The following EIPR1 variants were observed in gnomAD, a reference collection of about 807,000 sequenced individuals.
EIPR1 encodes the protein EARP and GARP complex-interacting protein 1.
A neutral mutation model predicts 48.1 loss-of-function variants in EIPR1; 25 were observed. The ratio of observed to expected loss-of-function variants is 0.52; its 90% CI spans 0.38 to 0.73. The LOEUF (loss-of-function observed/expected upper bound fraction) is 0.73. Among genes scored for constraint, EIPR1 ranks in the 30% least tolerant of loss-of-function variants. The probability of loss-of-function intolerance (pLI) is 0.00; values close to 1 mark genes in which losing one functional copy is unlikely to be tolerated. For missense variants in EIPR1, 415 were observed against 506.2 expected, an observed-to-expected ratio of 0.82 and a Z score of 1.73; for synonymous variants, 204 against 201.9, an observed-to-expected ratio of 1.01 and a Z score of -0.09.
chr2:3,335,634 C>T (rs2324583), intron 3 of EIPR1, among the ~76,000 whole-genome samples: 2 of 152,154 alleles, frequency 1.3e-5, no homozygotes, highest in African/African-American at 4.8e-5. Context: ...AATCTCATCT[C>T]GAATTGTAAT....
chr2:3,210,086 G>C (rs968996689), intron 5 of EIPR1, among the ~76,000 whole-genome samples: 1 of 152,078 alleles, frequency 6.6e-6, no homozygotes, highest in Admixed American at 6.5e-5. Flanking sequence ...TCCCACGCCA[G>C]CAGGGGATAT....
At chr2:3,275,866 T>C (rs1320847234) in intron 3 of EIPR1, among the ~76,000 whole-genome samples, 1 of 152,192 alleles carries the variant, frequency 6.6e-6, no homozygotes, top group Non-Finnish European at 1.5e-5. Flanking sequence ...AGAAGATTAT[T>C]ATAGAGGTTA....
chr2:3,337,887 G>A, intron 3 of EIPR1, 130 bp downstream of exon 3: 1 of 950,376 alleles, frequency 1.1e-6, no homozygotes, highest in South Asian at 1.7e-5. Context: ...GCTTCTCTGT[G>A]CATGCAACAC....
chr2:3,376,391 C>T (rs1043694655), intron 1 of EIPR1, among the ~76,000 whole-genome samples: 1 of 151,470 alleles, frequency 6.6e-6, no homozygotes, highest in African/African-American at 2.4e-5. Flanking sequence ...CTGACTGTAA[C>T]CTACTTAAAA....
chr2:3,257,242 C>G, intron 4 of EIPR1, 57 bp downstream of exon 4: 1 of 1,567,376 alleles, frequency 6.4e-7, no homozygotes, highest in Non-Finnish European at 8.7e-7. Flanking sequence ...GCACAAGCTC[C>G]TGCACCTGGC....
chr2:3,208,966 A>C lies in EIPR1; in HGVS notation c.516+5183T>G, dbSNP rs1205223676. ...TGTTCAGATTCTTCCCTCTAATAGG[A>C]CAAGGGAAGAGCTCTCATATTATCA... On this transcript the variant is annotated intron_variant, in intron 5 of 8. Transcript: ENST00000382125. The C allele has an allele frequency of 5.4e-6, 8 of 1,483,514 alleles. No individual in the cohort carries two copies. The East Asian group carries it at 1.7e-4, about 32-fold the overall frequency. 91.9% of individuals were successfully genotyped at this position (1,483,514 alleles called of 1,614,324 possible).
At chr2:3,250,877 T>C (rs1186273118) in intron 4 of EIPR1, among the ~76,000 whole-genome samples, 1 of 152,076 alleles carries the variant, frequency 6.6e-6, no homozygotes, top group African/African-American at 2.4e-5. Flanking sequence ...TCCTAAAGCC[T>C]CACCAAGAGC....
chr2:3,302,128 A>G (rs923009642), intron 3 of EIPR1, among the ~76,000 whole-genome samples: 5 of 152,176 alleles, frequency 3.3e-5, no homozygotes, highest in Non-Finnish European at 7.3e-5. Context: ...TCCCTCAGCG[A>G]CTTGGGGTTC....
chr2:3,349,644 G>A (rs1256492892), intron 2 of EIPR1, among the ~76,000 whole-genome samples: 1 of 151,708 alleles, frequency 6.6e-6, no homozygotes, highest in Non-Finnish European at 1.5e-5. Flanking sequence ...AGCATGCTGG[G>A]AGACAGGGAC....
chr2:3,278,250 T>C (rs894647274), intron 3 of EIPR1, among the ~76,000 whole-genome samples: 1 of 152,168 alleles, frequency 6.6e-6, no homozygotes, highest in African/African-American at 2.4e-5. Flanking sequence ...CATCCCTGCA[T>C]CCTGCCCCAT....
At chr2:3,274,432 T>C in intron 3 of EIPR1, 1 of 1,550,072 alleles carries the variant, frequency 6.5e-7, no homozygotes, top group Non-Finnish European at 8.7e-7. Flanking sequence ...AGAAAAAAAG[T>C]CAGGGCAGAA....
chr2:3,276,052 A>G (rs1379116229), intron 3 of EIPR1, among the ~76,000 whole-genome samples: 1 of 152,200 alleles, frequency 6.6e-6, no homozygotes, highest in African/African-American at 2.4e-5. Flanking sequence ...AAATTTACAA[A>G]ACAGTAGGGT....
chr2:3,204,416 G>A (rs978412489), intron 5 of EIPR1, among the ~76,000 whole-genome samples: 2 of 152,204 alleles, frequency 1.3e-5, no homozygotes, highest in Non-Finnish European at 2.9e-5. Flanking sequence ...CAGGGCAGAC[G>A]GTGCAGTGTA....
intron 4 of EIPR1, among the ~76,000 whole-genome samples, chr2:3,248,229 C>A (rs1666897192): frequency 6.6e-6 from 1 of 152,194 alleles, no homozygotes; most frequent in Admixed American, 6.5e-5. Context: ...GGGTGGATCA[C>A]CTGAGATCAG....
Position 3,257,314 on chromosome 2 carries a change from TG to T in EIPR1, c.400del (p.His134MetfsTer52). 1 of 1,613,920 alleles carries T rather than the reference TG, an allele frequency of 6.2e-7. No homozygotes were observed. The highest frequency in any genetic ancestry group is 8.5e-7 in the Non-Finnish European group (1 of 1,179,830). ...ELLCHLDNTAHGNMACVVWEP... is the reference protein window; with the variant it reads ...ELLCHLDNTAXGNMACVVWEP... ...AAAATCCTACCAGGCCATGTTGCCA[TG>T]GGCTGTGTTGTCAAGGTGACAGAGC... On this transcript the variant is annotated frameshift_variant, in exon 4 of 9. Transcript: ENST00000382125. LOFTEE classifies it high-confidence loss of function.
intron 4 of EIPR1, among the ~76,000 whole-genome samples, chr2:3,246,743 G>A (rs1666808105): frequency 6.7e-6 from 1 of 149,410 alleles, no homozygotes. Flanking sequence ...AGCCATGGGA[G>A]GGAGAGAGGA....
intron 4 of EIPR1, among the ~76,000 whole-genome samples, chr2:3,246,290 AG>A (rs1383902185): frequency 2.6e-5 from 4 of 152,154 alleles, no homozygotes; most frequent in Non-Finnish European, 5.9e-5. Flanking sequence ...ATTTAACCTG[AG>A]CCAATTTCCA....
At chr2:3,351,004 AT>A (rs71396979) in intron 2 of EIPR1, among the ~76,000 whole-genome samples, 121 of 135,226 alleles carry the variant, frequency 8.9e-4, no homozygotes, top group Admixed American at 1.1e-3. Context: ...ATTTTGGGCG[AT>A]TTTTTTTTTT....
At chr2:3,297,888 C>G (rs1332941828) in intron 3 of EIPR1, among the ~76,000 whole-genome samples, 1 of 152,186 alleles carries the variant, frequency 6.6e-6, no homozygotes, top group East Asian at 1.9e-4. Context: ...GTGGCTCCAT[C>G]TCAGCTCACT....
Sources: allele counts gnomAD v4.1 joint callset (sites outside exome capture counted in the v4.1 genomes callset), GRCh38; gene constraint gnomAD v4.1.1; transcripts MANE v1.5; gene names NCBI Gene and HGNC (gene_info 2026-07-23, HGNC 2026-07-21).